Variants in SLC66A3 observed in about 807,000 individuals in gnomAD.
The protein encoded by SLC66A3 is solute carrier family 66 member 3, also known as PQ loop repeat containing 3.
Under a neutral mutation model 25.5 loss-of-function variants are expected in SLC66A3, and 23 were observed. That is an observed-to-expected ratio of 0.90 (90% CI 0.65 to 1.28). The LOEUF (loss-of-function observed/expected upper bound fraction) is 1.28, where lower values mean the gene tolerates loss of function less well. Ranked by LOEUF, SLC66A3 falls within the 50% of genes most tolerant of loss-of-function variation. SLC66A3 has a pLI of 0.00. For missense variants in SLC66A3, 246 were observed against 262.1 expected, an observed-to-expected ratio of 0.94 and a Z score of 0.42; for synonymous variants, 108 against 112.6, an observed-to-expected ratio of 0.96 and a Z score of 0.26.
intron 1 of SLC66A3, among the ~76,000 whole-genome samples, chr2:11,158,479 G>C (rs189569339): frequency 6.6e-6 from 1 of 152,342 alleles, no homozygotes; most frequent in African/African-American, 2.4e-5. Flanking sequence ...TGGCTAACAC[G>C]GTGAAACCCT....
chr2:11,155,738 G>C, intron 1 of SLC66A3, 49 bp downstream of exon 1: 1 of 1,320,950 alleles, frequency 7.6e-7, no homozygotes, highest in Non-Finnish European at 9.7e-7. Context: ...CGCAGCTGCT[G>C]CCGGCTGGGA....
At chr2:11,177,366 G>A (rs535568742) in intron 6 of SLC66A3, among the ~76,000 whole-genome samples, 12 of 152,068 alleles carry the variant, frequency 7.9e-5, no homozygotes, top group African/African-American at 2.4e-4. Flanking sequence ...GAGCTGAGGC[G>A]GGAGAATCAC....
Position 11,177,905 on chromosome 2 carries a change from G to T in SLC66A3, c.*77G>T. 1 of 895,324 alleles carries T rather than the reference G, an allele frequency of 1.1e-6. No individual in the cohort carries two copies. The highest frequency in any genetic ancestry group is 1.5e-5 in the South Asian group (1 of 66,978). The allele number at this position is 895,324 out of a possible 1,614,324, so 55.5% of individuals were successfully genotyped here. On this transcript the variant is annotated 3_prime_UTR_variant, in exon 7 of 7. Coordinates refer to ENST00000295083, the MANE Select transcript of SLC66A3 (RefSeq NM_152391.5). ...AAAAGAAGCTCTTTGCTAAATTAAG[G>T]TCTTTTATAAATTTAGTAAATCAGT...
rs1432280348 is a variant in SLC66A3 at position 11,162,682 on chromosome 2, C to T, written c.297-1522C>T. 4.6e-5 allele frequency among the ~76,000 whole-genome samples: 7 copies of T among 152,226 alleles called. No homozygotes were observed. In the East Asian group the frequency reaches 1.3e-3, roughly 29 times the overall value. ...AGTGCAGTGGTGCCATCTCAGCGCA[C>T]TGCAAGCTCCGCCTCCCGGGTTCAC... On this transcript the variant is annotated intron_variant, in intron 3 of 6. Coordinates refer to ENST00000295083, the MANE Select transcript of SLC66A3 (RefSeq NM_152391.5).
At position 11,164,346 on chromosome 2, in the gene SLC66A3, T is replaced by TATATATATATA. The variant is rs1553289115; in HGVS notation, c.354+85_354+86insATATATATATA. ...AGATATTTATATATATATATATATA[T>TATATATATATA]TTTTTTTTTTTTGAAATGGAGTTTC... On this transcript the variant is annotated intron_variant, in intron 4 of 6. Coordinates refer to ENST00000295083, the MANE Select transcript of SLC66A3 (RefSeq NM_152391.5). 29 of 76,814 alleles carry TATATATATATA rather than the reference T, an allele frequency of 3.8e-4. 3 individuals are homozygous for TATATATATATA. The highest frequency in any genetic ancestry group is 2.9e-3 in the Middle Eastern group (1 of 344). The allele number at this position is 76,814 out of a possible 1,614,324, so 4.8% of individuals were successfully genotyped here.
At chr2:11,168,282 GAAA>G (rs776255689) in intron 4 of SLC66A3, among the ~76,000 whole-genome samples, 1 of 130,172 alleles carries the variant, frequency 7.7e-6, no homozygotes. Flanking sequence ...GACTCTGTCT[GAAA>G]AAAAAAAAAA....
chr2:11,172,721 C>G (rs765529096), intron 5 of SLC66A3: 9 of 432,638 alleles, frequency 2.1e-5, no homozygotes, highest in Non-Finnish European at 4.3e-5. Context: ...GTCTTAAAAT[C>G]AAGACTTTCT....
intron 5 of SLC66A3, 78 bp from the exon 6 acceptor site, chr2:11,174,890 A>G: frequency 2.2e-6 from 2 of 920,204 alleles, no homozygotes; most frequent in South Asian, 3.1e-5. Flanking sequence ...TGGGATATTA[A>G]AAGGGAAAGA....
At chr2:11,172,665 C>T in intron 5 of SLC66A3, 1 of 350,744 alleles carries the variant, frequency 2.9e-6, no homozygotes. Flanking sequence ...TGTCTCCATC[C>T]ATGGTTGCTG....
intron 4 of SLC66A3, 30 bp from the exon 5 acceptor site, chr2:11,171,895 G>A (rs776479814): frequency 1.3e-5 from 21 of 1,612,104 alleles, no homozygotes; most frequent in Middle Eastern, 1.6e-4. Context: ...AAATCGACTC[G>A]TGACTTTCTC....
chr2:11,168,137 T>C (rs1353471921), intron 4 of SLC66A3, among the ~76,000 whole-genome samples: 4 of 151,838 alleles, frequency 2.6e-5, no homozygotes, highest in African/African-American at 7.3e-5. Context: ...AAAAAAAAAT[T>C]AGCCGGGTGT....
intron 6 of SLC66A3, among the ~76,000 whole-genome samples, chr2:11,176,289 C>G (rs1662739770): frequency 1.3e-5 from 2 of 151,788 alleles, no homozygotes; most frequent in African/African-American, 4.8e-5. Flanking sequence ...GATCTTGGCT[C>G]ACTGCAACCT....
chr2:11,160,019 C>T (rs969145183), intron 1 of SLC66A3, among the ~76,000 whole-genome samples: 4 of 152,206 alleles, frequency 2.6e-5, no homozygotes, highest in African/African-American at 4.8e-5. Flanking sequence ...GGGATGGTTG[C>T]GGCTCCTCGG....
At chr2:11,169,204 C>G (rs1336254751) in intron 4 of SLC66A3, among the ~76,000 whole-genome samples, 1 of 152,148 alleles carries the variant, frequency 6.6e-6, no homozygotes. Context: ...CTTCTCTCCT[C>G]CCAAGTCATC....
intron 6 of SLC66A3, 39 bp from the exon 7 acceptor site, chr2:11,177,698 G>A (rs767559945): frequency 6.6e-6 from 9 of 1,374,024 alleles, no homozygotes; most frequent in Non-Finnish European, 1.0e-6. Flanking sequence ...GGTCTGTATT[G>A]TAAAGACAGT....
chr2:11,168,942 C>G (rs983627355), intron 4 of SLC66A3, among the ~76,000 whole-genome samples: 51 of 151,730 alleles, frequency 3.4e-4, no homozygotes, highest in African/African-American at 1.2e-3. Flanking sequence ...ACTGCAACCT[C>G]TGCCTTCTGG....
At chr2:11,162,746 A>C (rs1363446950) in intron 3 of SLC66A3, among the ~76,000 whole-genome samples, 1 of 152,086 alleles carries the variant, frequency 6.6e-6, no homozygotes, top group African/African-American at 2.4e-5. Context: ...AGCTGGGACT[A>C]CAGGCGCCCA....
chr2:11,175,246 T>G (rs1030565935), intron 6 of SLC66A3, among the ~76,000 whole-genome samples: 1 of 152,208 alleles, frequency 6.6e-6, no homozygotes, highest in Admixed American at 6.5e-5. Flanking sequence ...TCCATGGAAC[T>G]TCCACTTAAG....
At chr2:11,164,327 TTATA>T (rs1161882465) in intron 4 of SLC66A3, 66 bp downstream of exon 4, 9 of 176,112 alleles carry the variant, frequency 5.1e-5, no homozygotes, top group African/African-American at 2.5e-4. Flanking sequence ...TGATAGATAT[TTATA>T]TATATATATA....
Sources: gnomAD v4.1 joint callset for allele counts (sites outside exome capture counted in the v4.1 genomes callset) on GRCh38, gnomAD v4.1.1 for gene constraint, MANE v1.5 for transcripts, NCBI Gene and HGNC (gene_info 2026-07-23, HGNC 2026-07-21) for gene names.